The following GRIN2A variants were observed in gnomAD, a reference collection of about 807,000 sequenced individuals.
The protein encoded by GRIN2A is glutamate ionotropic receptor NMDA type subunit 2A.
In GRIN2A, 22 loss-of-function variants were observed where a neutral mutation model predicts 113.4. That is an observed-to-expected ratio of 0.19 (90% CI 0.14 to 0.28). The LOEUF (loss-of-function observed/expected upper bound fraction) is 0.28. Among genes scored for constraint, GRIN2A ranks in the 10% least tolerant of loss-of-function variants. GRIN2A has a pLI of 1.00. For missense variants in GRIN2A, 1,502 were observed against 1,887.0 expected, an observed-to-expected ratio of 0.80 and a Z score of 3.78; for synonymous variants, 827 against 738.4, an observed-to-expected ratio of 1.12 and a Z score of -1.94.
chr16:9,768,239 G>T (rs984165000), intron 12 of GRIN2A, among the ~76,000 whole-genome samples: 1 of 140,420 alleles, frequency 7.1e-6, no homozygotes, highest in Non-Finnish European at 1.6e-5. Flanking sequence ...TAGTAGAGAA[G>T]GGGGGGGTCT....
chr16:9,968,463 G>A (rs1371474510), intron 2 of GRIN2A, among the ~76,000 whole-genome samples: 12 of 151,568 alleles, frequency 7.9e-5, no homozygotes, highest in African/African-American at 2.2e-4. Context: ...ACAGGCATGC[G>A]CCACCACACC....
At chr16:9,973,142 T>G (rs2045707480) in intron 2 of GRIN2A, among the ~76,000 whole-genome samples, 1 of 152,152 alleles carries the variant, frequency 6.6e-6, no homozygotes, top group African/African-American at 2.4e-5. Context: ...GATCTTAGGT[T>G]TTACAATAGT....
At chr16:10,142,661 T>C (rs2142260480) in intron 2 of GRIN2A, among the ~76,000 whole-genome samples, 1 of 152,326 alleles carries the variant, frequency 6.6e-6, no homozygotes, top group South Asian at 2.1e-4. Flanking sequence ...ATCATGCCAC[T>C]GTACTCTAGT....
chr16:9,790,944 A>C (rs1902568817), intron 11 of GRIN2A, among the ~76,000 whole-genome samples: 1 of 152,236 alleles, frequency 6.6e-6, no homozygotes, highest in East Asian at 1.9e-4. Context: ...CAGTGCACTC[A>C]AGTGGCCCAG....
chr16:9,847,613 ATAATG>A (rs1032417150), intron 5 of GRIN2A, among the ~76,000 whole-genome samples: 253 of 147,904 alleles, frequency 1.7e-3, no homozygotes, highest in African/African-American at 5.0e-3. Context: ...ATAAAAATAT[ATAATG>A]TTTTATATAT....
intron 4 of GRIN2A, among the ~76,000 whole-genome samples, chr16:9,857,300 T>A (rs1326149746): frequency 2.0e-5 from 3 of 152,200 alleles, no homozygotes; most frequent in Non-Finnish European, 2.9e-5. Context: ...GGGTTTTAGT[T>A]GACAATAATA....
At chr16:9,815,934 C>A (rs1224511429) in intron 10 of GRIN2A, among the ~76,000 whole-genome samples, 1 of 152,180 alleles carries the variant, frequency 6.6e-6, no homozygotes, top group African/African-American at 2.4e-5. Flanking sequence ...ACTGTTTAGC[C>A]TTAAAAAGGA....
At chr16:9,888,265 C>G (rs765451823) in intron 4 of GRIN2A, among the ~76,000 whole-genome samples, 2 of 152,164 alleles carry the variant, frequency 1.3e-5, no homozygotes, top group Admixed American at 1.3e-4. Context: ...CTAACAGTGT[C>G]TTTAGATGAG....
chr16:9,977,633 T>C (rs977854582), intron 2 of GRIN2A, among the ~76,000 whole-genome samples: 2 of 152,136 alleles, frequency 1.3e-5, no homozygotes, highest in Non-Finnish European at 2.9e-5. Flanking sequence ...CAGCACACGT[T>C]CAGGCAGCTT....
intron 2 of GRIN2A, among the ~76,000 whole-genome samples, chr16:9,965,534 G>C (rs183091158): frequency 6.6e-6 from 1 of 152,140 alleles, no homozygotes; most frequent in Non-Finnish European, 1.5e-5. Flanking sequence ...AATCACAACC[G>C]ATTTTGATTC....
chr16:9,968,876 G>A (rs1464865785), intron 2 of GRIN2A, among the ~76,000 whole-genome samples: 1 of 152,078 alleles, frequency 6.6e-6, no homozygotes, highest in Non-Finnish European at 1.5e-5. Flanking sequence ...CAAAGTGCTG[G>A]TAATTACAGG....
At chr16:9,904,117 C>T (rs550128788) in intron 3 of GRIN2A, among the ~76,000 whole-genome samples, 1 of 152,332 alleles carries the variant, frequency 6.6e-6, no homozygotes, top group East Asian at 1.9e-4. Flanking sequence ...CAGCTCACTT[C>T]TGTGTCAATG....
chr16:9,876,319 T>C (rs1309117666), intron 4 of GRIN2A, among the ~76,000 whole-genome samples: 8 of 152,106 alleles, frequency 5.3e-5, no homozygotes, highest in African/African-American at 1.9e-4. Flanking sequence ...TCAAAGAAAA[T>C]GCTAAACCAT....
At chr16:9,988,196 T>A (rs1411258676) in intron 2 of GRIN2A, among the ~76,000 whole-genome samples, 1 of 150,646 alleles carries the variant, frequency 6.6e-6, no homozygotes, top group Non-Finnish European at 1.5e-5. Context: ...GAATCAAGAG[T>A]GAAGAAAAGG....
At chr16:10,028,610 C>T (rs894552436) in intron 2 of GRIN2A, among the ~76,000 whole-genome samples, 3 of 152,194 alleles carry the variant, frequency 2.0e-5, no homozygotes, top group Admixed American at 1.3e-4. Flanking sequence ...CTTCTTAAAT[C>T]CCCACATGAA....
At chr16:10,130,358 G>T (rs1389673212) in intron 2 of GRIN2A, among the ~76,000 whole-genome samples, 6 of 152,218 alleles carry the variant, frequency 3.9e-5, no homozygotes, top group Admixed American at 3.9e-4. Flanking sequence ...TCTTGTGAAG[G>T]CTACTTGTAG....
chr16:9,920,788 C>T (rs1007591058), intron 3 of GRIN2A, among the ~76,000 whole-genome samples: 1 of 152,048 alleles, frequency 6.6e-6, no homozygotes. Context: ...AAGCTGACCT[C>T]GTGATCCCCC....
At chr16:9,788,675 C>CT (rs1902397554) in intron 11 of GRIN2A, among the ~76,000 whole-genome samples, 1 of 150,832 alleles carries the variant, frequency 6.6e-6, no homozygotes, top group African/African-American at 2.4e-5. Context: ...GTCTTTCTTT[C>CT]TTCTTGTTCT....
rs2045203802 is a variant in GRIN2A at position 9,952,301 on chromosome 16, G to A, written c.415-13750C>T. On this transcript the variant is annotated intron_variant, in intron 2 of 12. Transcript: ENST00000330684. ...GGTGAAAGGGTTCCCAGTGACCCCT[G>A]AGGTCCTTGTAGATGGAGGGCAACT... 1.3e-5 allele frequency among the ~76,000 whole-genome samples: 2 copies of A among 152,144 alleles called. 1 individual carries two copies. The highest frequency in any genetic ancestry group is 4.1e-4 in the South Asian group (2 of 4,828).
Sources: gnomAD v4.1 joint callset for allele counts (sites outside exome capture counted in the v4.1 genomes callset) on GRCh38, gnomAD v4.1.1 for gene constraint, MANE v1.5 for transcripts, NCBI Gene and HGNC (gene_info 2026-07-23, HGNC 2026-07-21) for gene names.